LRRFIP1: variants seen among roughly 807,000 people sequenced by gnomAD.
LRRFIP1 encodes the protein LRR binding FLII interacting protein 1, also known as leucine-rich repeat flightless-interacting protein 1.
LRRFIP1 carries 62 observed loss-of-function variants against 104.4 expected under a neutral mutation model. The observed-to-expected ratio is 0.59, with a 90% CI of 0.48 to 0.73. The LOEUF is 0.73. Ranked by LOEUF, LRRFIP1 falls within the 30% of genes least tolerant of loss-of-function variation. LRRFIP1 has a pLI of 0.00. For missense variants in LRRFIP1, 796 were observed against 824.5 expected, an observed-to-expected ratio of 0.97 and a Z score of 0.42; for synonymous variants, 300 against 299.0, an observed-to-expected ratio of 1.00 and a Z score of -0.03.
intron 12 of LRRFIP1, among the ~76,000 whole-genome samples, chr2:237,748,710 C>T (rs2150599612): frequency 6.6e-6 from 1 of 152,188 alleles, no homozygotes; most frequent in Admixed American, 6.5e-5. Context: ...TTACTATAAG[C>T]CCATGAAGAG....
intron 7 of LRRFIP1, among the ~76,000 whole-genome samples, chr2:237,725,368 G>A (rs1296308509): frequency 3.3e-5 from 5 of 152,336 alleles, no homozygotes; most frequent in East Asian, 1.9e-4. Flanking sequence ...ACAATAGAGC[G>A]AAGCTTGTTG....
intron 18 of LRRFIP1, among the ~76,000 whole-genome samples, 195 bp downstream of exon 18, chr2:237,759,016 A>G (rs1410490155): frequency 6.6e-6 from 1 of 152,224 alleles, no homozygotes; most frequent in Non-Finnish European, 1.5e-5. Context: ...GTGGTGCCCA[A>G]GGCCTTTTGA....
intron 8 of LRRFIP1, among the ~76,000 whole-genome samples, chr2:237,732,359 G>C (rs6720481): frequency 0.13 from 19,384 of 152,216 alleles, 2,854 homozygotes; most frequent in African/African-American, 0.36. Flanking sequence ...CCTTGGGCTT[G>C]CCGGTGGTGG....
Position 237,779,512 on chromosome 2 carries a change from G to A in LRRFIP1, c.1903G>A (p.Ala635Thr), listed in dbSNP as rs924153067. The change falls in exon 24 of 24, where the codon GCA becomes ACA. Residue 635 changes from alanine to threonine, a missense_variant. Physicochemically the swap from Ala to Thr is moderately conservative, Grantham distance 58. Transcript: ENST00000308482. ...GGAAAAAATGAAAGCAAATCGGAGTGCACTCTTGTCCCAGCAGTAAATTCC... is the reference window on the plus strand; with the variant it reads ...GGAAAAAATGAAAGCAAATCGGAGTACACTCTTGTCCCAGCAGTAAATTCC... ...RLEKMKANRS[A>T]LLSQQ is the part of the protein sequence containing the mutation. 14 of 1,613,408 alleles carry A rather than the reference G, an allele frequency of 8.7e-6. No individual in the cohort carries two copies. The highest frequency in any genetic ancestry group is 1.7e-5 in the Admixed American group (1 of 59,976).
intron 1 of LRRFIP1, among the ~76,000 whole-genome samples, chr2:237,683,822 C>A (rs992084371): frequency 2.0e-5 from 3 of 152,192 alleles, no homozygotes; most frequent in Non-Finnish European, 4.4e-5. Flanking sequence ...AGTCAGGGAG[C>A]CTGGAAGCCA....
At chr2:237,659,113 A>G (rs76407882) in intron 1 of LRRFIP1, among the ~76,000 whole-genome samples, 11,857 of 152,064 alleles carry the variant, frequency 0.078, 570 homozygotes, top group East Asian at 0.19. Flanking sequence ...TTTTTTAATG[A>G]GACAGGGTCT....
At chr2:237,706,704 T>C (rs2093828894) in intron 1 of LRRFIP1, among the ~76,000 whole-genome samples, 1 of 152,202 alleles carries the variant, frequency 6.6e-6, no homozygotes, top group African/African-American at 2.4e-5. Context: ...CACAGCTCAC[T>C]ACAGCCTCAA....
In LRRFIP1 at chr2:237,727,889, A is replaced by C. The variant is rs746190175; in HGVS notation, c.398A>C (p.Asp133Ala). 3 of 1,611,706 alleles carry C rather than the reference A, an allele frequency of 1.9e-6. No homozygotes were observed. The highest frequency in any genetic ancestry group is 1.7e-4 in the Middle Eastern group (1 of 6,048). The change falls in exon 8 of 24, where the codon GAT becomes GCT. Residue 133 changes from aspartate to alanine, a missense_variant. Coordinates refer to ENST00000308482, the MANE Select transcript of LRRFIP1 (RefSeq NM_001137550.2). ...GGPYAWTNGY[D>A]GELYGSQSLN... ...TCATTGAAACAGACAAATGGTTATGATGGAGAATTGTATGGATCACAGTCC... is the reference window on the plus strand; with the variant it reads ...TCATTGAAACAGACAAATGGTTATGCTGGAGAATTGTATGGATCACAGTCC...
At chr2:237,771,089 G>C (rs1403846174) in intron 20 of LRRFIP1, among the ~76,000 whole-genome samples, 2 of 152,088 alleles carry the variant, frequency 1.3e-5, no homozygotes, top group Admixed American at 1.3e-4. Context: ...GGTCTCCTGT[G>C]CTTGGTGTGT....
At chr2:237,742,170 T>C (rs1360401891) in intron 11 of LRRFIP1, among the ~76,000 whole-genome samples, 2 of 152,236 alleles carry the variant, frequency 1.3e-5, no homozygotes, top group African/African-American at 4.8e-5. Flanking sequence ...ACAGGTTTAT[T>C]AGATGATCAT....
intron 1 of LRRFIP1, among the ~76,000 whole-genome samples, chr2:237,702,829 AAC>A (rs2093610461): frequency 6.6e-6 from 1 of 152,148 alleles, no homozygotes; most frequent in Non-Finnish European, 1.5e-5. Context: ...GGACTCAGCC[AAC>A]AGTTTAAAGA....
intron 1 of LRRFIP1, among the ~76,000 whole-genome samples, chr2:237,646,396 G>C (rs1352978649): frequency 5.9e-5 from 9 of 151,784 alleles, no homozygotes; most frequent in Non-Finnish European, 1.3e-4. Context: ...TATTCTTCCT[G>C]ATGCTCTCCC....
chr2:237,705,976 G>A (rs1169944175), intron 1 of LRRFIP1, among the ~76,000 whole-genome samples: 2 of 152,360 alleles, frequency 1.3e-5, no homozygotes, highest in East Asian at 1.9e-4. Flanking sequence ...ATTAGGGCAG[G>A]CCCATAGGAT....
At chr2:237,730,984 G>C (rs2094978724) in intron 8 of LRRFIP1, among the ~76,000 whole-genome samples, 1 of 152,144 alleles carries the variant, frequency 6.6e-6, no homozygotes, top group African/African-American at 2.4e-5. Context: ...TAACCAGGTA[G>C]AGCCTAGAGG....
chr2:237,664,021 T>C (rs574832621), intron 1 of LRRFIP1, among the ~76,000 whole-genome samples: 87 of 151,066 alleles, frequency 5.8e-4, no homozygotes, highest in Non-Finnish European at 1.0e-3. Flanking sequence ...CTCAGGGCAC[T>C]GGGAGGGAGG....
chr2:237,675,182 C>T (rs2090967008), intron 1 of LRRFIP1, among the ~76,000 whole-genome samples: 1 of 152,228 alleles, frequency 6.6e-6, no homozygotes, highest in Admixed American at 6.5e-5. Flanking sequence ...GGGACCATCA[C>T]CCCGGTCTTT....
intron 1 of LRRFIP1, among the ~76,000 whole-genome samples, chr2:237,696,152 G>T (rs972343990): frequency 4.5e-4 from 69 of 152,274 alleles, no homozygotes; most frequent in African/African-American, 1.6e-3. Flanking sequence ...TAGTAGAGAA[G>T]TAATTTATCT....
intron 1 of LRRFIP1, among the ~76,000 whole-genome samples, chr2:237,670,505 G>A (rs925858422): frequency 2.6e-5 from 4 of 152,232 alleles, no homozygotes; most frequent in Admixed American, 2.6e-4. Flanking sequence ...TTGAAGCTGT[G>A]TCAACTACAG....
intron 13 of LRRFIP1, among the ~76,000 whole-genome samples, 158 bp downstream of exon 13, chr2:237,749,482 G>C (rs1306591344): frequency 6.6e-6 from 1 of 151,846 alleles, no homozygotes; most frequent in Non-Finnish European, 1.5e-5. Flanking sequence ...CTAACATCAA[G>C]ACCCAGCTCA....
Sources: allele counts gnomAD v4.1 joint callset (sites outside exome capture counted in the v4.1 genomes callset), GRCh38; gene constraint gnomAD v4.1.1; transcripts MANE v1.5; gene names NCBI Gene and HGNC (gene_info 2026-07-23, HGNC 2026-07-21).